Variants in ARHGEF28 observed in about 807,000 individuals in gnomAD.
ARHGEF28 encodes the protein 190 kDa guanine nucleotide exchange factor.
In ARHGEF28, 152 loss-of-function variants were observed where a neutral mutation model predicts 206.6. That is an observed-to-expected ratio of 0.74 (90% CI 0.64 to 0.84). The LOEUF is 0.84. Ranked by LOEUF, ARHGEF28 falls within the 40% of genes least tolerant of loss-of-function variation. ARHGEF28 has a pLI of 0.00. For missense variants in ARHGEF28, 2,028 were observed against 2,073.2 expected (o/e 0.98, Z 0.42); for synonymous variants, 763 against 776.4 (o/e 0.98, Z 0.29).
At position 73,909,525 on chromosome 5, in the gene ARHGEF28, G is replaced by A. The variant is rs751335666; in HGVS notation, c.4275G>A (p.Gln1425=). 3 of 1,600,118 alleles carry A rather than the reference G, an allele frequency of 1.9e-6. No individual in the cohort carries two copies. Among genetic ancestry groups the A allele is most frequent in the Admixed American group, 3.5e-5 (2 of 57,766 alleles). ...TCCGAGGCGGCCCCTTGCAGGACCA[G>A]AAGTCTCGCGACGCGGACAGGCAGC... The part of the protein sequence containing the change: ...SILRGGPLQD[Q]KSRDADRQHE... Residue 1425 remains glutamine, a synonymous_variant, in exon 34 of 36, where the codon CAG becomes CAA. Transcript: ENST00000513042.
intron 4 of ARHGEF28, among the ~76,000 whole-genome samples, chr5:73,761,763 A>G (rs1343457971): frequency 6.6e-6 from 1 of 152,194 alleles, no homozygotes; most frequent in African/African-American, 2.4e-5. Context: ...CATCAGGTCA[A>G]TATCTGGAGG....
intron 2 of ARHGEF28, among the ~76,000 whole-genome samples, chr5:73,698,830 G>C (rs963020657): frequency 1.3e-5 from 2 of 151,858 alleles, no homozygotes; most frequent in Admixed American, 6.6e-5. Context: ...GCAGGTGAAG[G>C]GTGGTCCAAG....
At chr5:73,855,924 C>T (rs1759002569) in intron 14 of ARHGEF28, among the ~76,000 whole-genome samples, 1 of 151,940 alleles carries the variant, frequency 6.6e-6, no homozygotes, top group Admixed American at 6.6e-5. Flanking sequence ...AGTTGTGTTC[C>T]TGCTGGGAAG....
intron 35 of ARHGEF28, among the ~76,000 whole-genome samples, chr5:73,937,908 A>C (rs1764506402): frequency 6.6e-6 from 1 of 152,156 alleles, no homozygotes; most frequent in South Asian, 2.1e-4. Flanking sequence ...GAAATCACCA[A>C]ACGGTTTCTA....
At chr5:73,775,986 A>G (rs564374994) in intron 5 of ARHGEF28, among the ~76,000 whole-genome samples, 17 of 152,208 alleles carry the variant, frequency 1.1e-4, no homozygotes, top group Non-Finnish European at 2.2e-4. Context: ...GAAATACAAC[A>G]TGATCAAATT....
At chr5:73,773,066 A>G (rs905931627) in intron 4 of ARHGEF28, among the ~76,000 whole-genome samples, 1 of 152,242 alleles carries the variant, frequency 6.6e-6, no homozygotes, top group African/African-American at 2.4e-5. Flanking sequence ...AGATTTTAAC[A>G]GCCAATTGTC....
chr5:73,773,776 C>T (rs967340684), intron 4 of ARHGEF28, 79 bp from the exon 5 acceptor site: 1 of 1,291,082 alleles, frequency 7.7e-7, no homozygotes, highest in South Asian at 1.6e-5. Context: ...TGTCTAAATA[C>T]ACTGTCCCTT....
intron 7 of ARHGEF28, among the ~76,000 whole-genome samples, chr5:73,792,642 CTTTTTTTTT>C (rs397943639): frequency 8.2e-6 from 1 of 122,064 alleles, no homozygotes; most frequent in South Asian, 2.7e-4. Flanking sequence ...TCCTTCCCTT[CTTTTTTTTT>C]TTTTTTTTTT....
intron 4 of ARHGEF28, among the ~76,000 whole-genome samples, chr5:73,758,427 G>A (rs1752425790): frequency 6.6e-6 from 1 of 152,212 alleles, no homozygotes; most frequent in South Asian, 2.1e-4. Flanking sequence ...GACTCTTCCA[G>A]TTGTCTAGGT....
chr5:73,671,776 G>A (rs1746362013), intron 1 of ARHGEF28, among the ~76,000 whole-genome samples: 1 of 56,826 alleles, frequency 1.8e-5, no homozygotes, highest in Non-Finnish European at 3.6e-5. Context: ...TTTTTTTTGA[G>A]ACGGAATCTC....
intron 2 of ARHGEF28, among the ~76,000 whole-genome samples, chr5:73,722,202 C>T (rs56301292): frequency 0.22 from 32,608 of 150,548 alleles, 3,704 homozygotes; most frequent in African/African-American, 0.25. Context: ...ATAGCTTTTC[C>T]GAAGGAAGGG....
At chr5:73,694,379 C>T (rs998956138) in intron 2 of ARHGEF28, among the ~76,000 whole-genome samples, 1 of 152,180 alleles carries the variant, frequency 6.6e-6, no homozygotes, top group African/African-American at 2.4e-5. Context: ...GCCTCACTTC[C>T]TGTATTTCAG....
In ARHGEF28 at chr5:73,890,191, G is replaced by T. The variant is rs1440288014; in HGVS notation, c.3388-1861G>T. On this transcript the variant is annotated intron_variant, in intron 26 of 35. Coordinates refer to ENST00000513042, the MANE Select transcript of ARHGEF28 (RefSeq NM_001177693.2). The stretch of plus-strand genomic sequence containing the variant: ...TTCCCATGCCCCCTGGTCTGATGGT[G>T]ATCGAATGAATGCTACTTTCCTTGC... Among the ~76,000 whole-genome samples, 5 of 152,306 alleles carry T rather than the reference G, an allele frequency of 3.3e-5. No homozygotes were observed. In the South Asian group the frequency reaches 1.0e-3, roughly 32 times the overall value.
At chr5:73,807,373 G>T (rs1023246518) in intron 9 of ARHGEF28, among the ~76,000 whole-genome samples, 4 of 152,082 alleles carry the variant, frequency 2.6e-5, no homozygotes, top group African/African-American at 4.8e-5. Flanking sequence ...AAAACAAAAA[G>T]AGCTTCATCA....
At chr5:73,639,563 CTCTT>C (rs1406837826) in intron 1 of ARHGEF28, among the ~76,000 whole-genome samples, 2 of 151,944 alleles carry the variant, frequency 1.3e-5, no homozygotes, top group South Asian at 2.1e-4. Context: ...TAGCCATAGT[CTCTT>C]TATTGAACAT....
At chr5:73,818,891 C>G (rs80349102) in intron 9 of ARHGEF28, among the ~76,000 whole-genome samples, 2,859 of 152,296 alleles carry the variant, frequency 0.019, 93 homozygotes, top group African/African-American at 0.066. Context: ...TCCTCTCCAT[C>G]ACTTCTAGTT....
chr5:73,715,891 C>T (rs1749551581), intron 2 of ARHGEF28, among the ~76,000 whole-genome samples: 1 of 152,208 alleles, frequency 6.6e-6, no homozygotes, highest in African/African-American at 2.4e-5. Flanking sequence ...GGCTTGCCTA[C>T]AACTGAGAGG....
chr5:73,783,453 G>A (rs918205889), intron 7 of ARHGEF28, among the ~76,000 whole-genome samples: 2 of 151,674 alleles, frequency 1.3e-5, no homozygotes, highest in African/African-American at 4.8e-5. Context: ...TAAGAAGTAG[G>A]CAGATTGGCA....
At chr5:73,795,915 G>A (rs1754776692) in intron 9 of ARHGEF28, among the ~76,000 whole-genome samples, 1 of 152,200 alleles carries the variant, frequency 6.6e-6, no homozygotes. Flanking sequence ...AGTCTGATGT[G>A]AGTGTCCTTT....
Sources: allele counts gnomAD v4.1 joint callset (sites outside exome capture counted in the v4.1 genomes callset), GRCh38; gene constraint gnomAD v4.1.1; transcripts MANE v1.5; gene names NCBI Gene and HGNC (gene_info 2026-07-23, HGNC 2026-07-21).